ZRANB3: variants seen among roughly 807,000 people sequenced by gnomAD.
ZRANB3 encodes zinc finger RANBP2-type containing 3.
ZRANB3 carries 125 observed loss-of-function variants against 133.8 expected under a neutral mutation model. That is an observed-to-expected ratio of 0.93 (90% CI 0.81 to 1.08). ZRANB3 has a LOEUF of 1.08. Among genes scored for constraint, ZRANB3 ranks in the 50% least tolerant of loss-of-function variants. ZRANB3 has a pLI of 0.00. For missense variants in ZRANB3, 1,229 were observed against 1,275.5 expected (o/e 0.96, Z 0.56); for synonymous variants, 387 against 432.7 (o/e 0.89, Z 1.31).
At chr2:135,494,562 T>C (rs1692580405) in intron 2 of ZRANB3, among the ~76,000 whole-genome samples, 1 of 152,216 alleles carries the variant, frequency 6.6e-6, no homozygotes, top group Admixed American at 6.5e-5. Context: ...TAATATCTCA[T>C]GTTAATTGTT....
intron 3 of ZRANB3, among the ~76,000 whole-genome samples, chr2:135,371,184 G>A (rs913316373): frequency 6.6e-6 from 1 of 152,150 alleles, no homozygotes; most frequent in African/African-American, 2.4e-5. Context: ...GGAAAAGGAG[G>A]TTACAGGGTG....
chr2:135,517,244 T>C (rs1238194294), intron 1 of ZRANB3, among the ~76,000 whole-genome samples: 6 of 152,032 alleles, frequency 3.9e-5, no homozygotes, highest in Admixed American at 6.5e-5. Flanking sequence ...GAGAAGTTTG[T>C]TATTACCCAC....
chr2:135,435,621 G>A (rs1480659919), intron 2 of ZRANB3, among the ~76,000 whole-genome samples: 2 of 152,058 alleles, frequency 1.3e-5, no homozygotes, highest in African/African-American at 4.8e-5. Flanking sequence ...CAGTGTATGT[G>A]TTTCCTTTTC....
intron 10 of ZRANB3, among the ~76,000 whole-genome samples, chr2:135,269,730 C>T (rs1680421040): frequency 6.6e-6 from 1 of 152,104 alleles, no homozygotes. Context: ...CTAAGTCTTG[C>T]TTTATAATCA....
At chr2:135,354,733 G>GA (rs1220295300) in intron 3 of ZRANB3, among the ~76,000 whole-genome samples, 1 of 152,164 alleles carries the variant, frequency 6.6e-6, no homozygotes. Context: ...TAAAACAAAA[G>GA]GGAGCCACAG....
chr2:135,378,657 GATTAAC>G (rs1024686952), intron 3 of ZRANB3, among the ~76,000 whole-genome samples: 1 of 152,120 alleles, frequency 6.6e-6, no homozygotes, highest in Non-Finnish European at 1.5e-5. Context: ...AGGTGATTGG[GATTAAC>G]ATTAACAGTG....
chr2:135,418,595 T>C (rs1205329954), intron 2 of ZRANB3, among the ~76,000 whole-genome samples: 2 of 152,196 alleles, frequency 1.3e-5, no homozygotes, highest in African/African-American at 2.4e-5. Flanking sequence ...AAGAGCCAAA[T>C]GTACACATTT....
At chr2:135,227,101 T>C (rs1694785244) in intron 14 of ZRANB3, among the ~76,000 whole-genome samples, 1 of 152,202 alleles carries the variant, frequency 6.6e-6, no homozygotes, top group Non-Finnish European at 1.5e-5. Flanking sequence ...AACTATTGGG[T>C]TTATCTGAAT....
intron 2 of ZRANB3, among the ~76,000 whole-genome samples, chr2:135,432,119 G>A (rs981273613): frequency 1.3e-5 from 2 of 151,980 alleles, no homozygotes; most frequent in African/African-American, 4.8e-5. Flanking sequence ...GTGTGGTGGT[G>A]CATGCCTGTA....
chr2:135,512,196 C>A (rs569060470), intron 1 of ZRANB3, among the ~76,000 whole-genome samples: 7 of 151,706 alleles, frequency 4.6e-5, no homozygotes, highest in Admixed American at 1.3e-4. Flanking sequence ...TGGTATGGTA[C>A]GCAACACTTG....
At chr2:135,366,485 G>A (rs1216781609) in intron 3 of ZRANB3, among the ~76,000 whole-genome samples, 1 of 152,068 alleles carries the variant, frequency 6.6e-6, no homozygotes, top group Admixed American at 6.6e-5. Context: ...AGTTTCAAAA[G>A]TTAAAACATA....
chr2:135,453,046 C>A (rs998533400), intron 2 of ZRANB3, among the ~76,000 whole-genome samples: 3 of 152,260 alleles, frequency 2.0e-5, no homozygotes, highest in Admixed American at 2.0e-4. Flanking sequence ...TGTTTCCATA[C>A]AGCTTCTGAA....
chr2:135,474,345 A>G (rs919078122), intron 2 of ZRANB3, among the ~76,000 whole-genome samples: 3 of 152,024 alleles, frequency 2.0e-5, no homozygotes, highest in Admixed American at 2.0e-4. Flanking sequence ...TTCCTCTTTC[A>G]AGGGATTGAT....
chr2:135,511,746 C>A, intron 1 of ZRANB3: 1 of 764,532 alleles, frequency 1.3e-6, no homozygotes, highest in Non-Finnish European at 2.4e-6. Context: ...AGTTTCGTGA[C>A]ATCACTTTCC....
intron 15 of ZRANB3, among the ~76,000 whole-genome samples, chr2:135,220,858 A>T (rs7604119): frequency 0.27 from 38,130 of 140,382 alleles, 8,489 homozygotes; most frequent in African/African-American, 0.6. Flanking sequence ...CTAGGAATTT[A>T]TTTTTTTTTT....
intron 12 of ZRANB3, among the ~76,000 whole-genome samples, chr2:135,260,009 G>A (rs1344201006): frequency 1.3e-5 from 2 of 152,190 alleles, no homozygotes; most frequent in Non-Finnish European, 2.9e-5. Context: ...AGAGCTAGAG[G>A]AAGAGATACT....
chr2:135,310,007 G>A (rs2104819874), intron 8 of ZRANB3, among the ~76,000 whole-genome samples: 1 of 152,236 alleles, frequency 6.6e-6, no homozygotes, highest in Admixed American at 6.5e-5. Flanking sequence ...CATGATCTCG[G>A]CTCACTGCAA....
chr2:135,503,964 A>G (rs779072979), intron 2 of ZRANB3, among the ~76,000 whole-genome samples: 1 of 152,068 alleles, frequency 6.6e-6, no homozygotes, highest in African/African-American at 2.4e-5. Flanking sequence ...GGCAGAGTCT[A>G]TTAAAAAAAA....
At chr2:135,432,348 C>A (rs1252831833) in intron 2 of ZRANB3, among the ~76,000 whole-genome samples, 1 of 152,084 alleles carries the variant, frequency 6.6e-6, no homozygotes, top group Non-Finnish European at 1.5e-5. Context: ...TACATTCACT[C>A]AAATATATAA....
Sources: gnomAD v4.1 joint callset for allele counts (sites outside exome capture counted in the v4.1 genomes callset) on GRCh38, gnomAD v4.1.1 for gene constraint, MANE v1.5 for transcripts, NCBI Gene and HGNC (gene_info 2026-07-23, HGNC 2026-07-21) for gene names.